The following MTRF1L variants were observed in gnomAD, a reference collection of about 807,000 sequenced individuals.
MTRF1L encodes peptide chain release factor 1-like, mitochondrial.
In MTRF1L, 29 loss-of-function variants were observed where a neutral mutation model predicts 40.0. The observed-to-expected ratio is 0.73, with a 90% CI of 0.54 to 0.99. The LOEUF is 0.99. Among genes scored for constraint, MTRF1L ranks in the 50% least tolerant of loss-of-function variants. The pLI, the probability that MTRF1L is intolerant of heterozygous loss-of-function variation, is 0.00. For synonymous variants in MTRF1L, 150 were observed against 175.8 expected, an observed-to-expected ratio of 0.85 and a Z score of 1.16; for missense variants, 412 against 464.5, an observed-to-expected ratio of 0.89 and a Z score of 1.04.
intron 2 of MTRF1L, among the ~76,000 whole-genome samples, 164 bp from the exon 3 acceptor site, chr6:152,995,483 T>C (rs1778686528): frequency 6.6e-6 from 1 of 152,208 alleles, no homozygotes; most frequent in Non-Finnish European, 1.5e-5. Context: ...AACTGTATAA[T>C]GTGTAACTTC....
At chr6:153,002,016 GTACCTT>G (rs1484095082) in intron 1 of MTRF1L, among the ~76,000 whole-genome samples, 2 of 152,158 alleles carry the variant, frequency 1.3e-5, no homozygotes, top group Non-Finnish European at 2.9e-5. Context: ...TCCCAATTTA[GTACCTT>G]TACCCACGTA....
chr6:153,000,152 T>C (rs983155903), intron 1 of MTRF1L, among the ~76,000 whole-genome samples: 1 of 152,226 alleles, frequency 6.6e-6, no homozygotes, highest in African/African-American at 2.4e-5. Flanking sequence ...CTTTCAGTTA[T>C]GACAAGAATG....
intron 3 of MTRF1L, 31 bp downstream of exon 3, chr6:152,995,103 CTT>C: frequency 6.4e-7 from 1 of 1,556,266 alleles, no homozygotes; most frequent in South Asian, 1.2e-5. Flanking sequence ...TTCCTAAACA[CTT>C]TACCTGAAAC....
Position 152,989,774 on chromosome 6 carries a change from T to C in MTRF1L, c.*121A>G. 1.8e-6 allele frequency: 2 copies of C among 1,124,654 alleles called. No homozygotes were observed. The highest frequency in any genetic ancestry group is 2.4e-6 in the Non-Finnish European group (2 of 818,558). 69.7% of individuals were successfully genotyped at this position (1,124,654 alleles called of 1,614,324 possible). A position where few individuals can be genotyped will look rare whatever the true frequency, so the allele number is the denominator to read the frequency against. On this transcript the variant is annotated 3_prime_UTR_variant, in exon 7 of 7. Coordinates refer to ENST00000367233, the MANE Select transcript of MTRF1L (RefSeq NM_019041.7). ...GTAAATTATCTATGACTTCAGAATA[T>C]GCATATTACCTCCAACTGTGTTAAC...
chr6:152,992,960 A>G lies in MTRF1L; in HGVS notation c.702T>C (p.Ile234=). Residue 234 remains isoleucine (I), a synonymous_variant, in exon 5 of 7, where the codon ATT becomes ATC. Coordinates refer to ENST00000367233, the MANE Select transcript of MTRF1L (RefSeq NM_019041.7). ...LPQPTEINLV[I]NPKDLRIDTK... Reference sequence around the variant, plus strand: ...TGTCAATTCTCAAATCTTTCGGATTAATCACCAGATTAATCTATACAGAAG... The same window carrying G: ...TGTCAATTCTCAAATCTTTCGGATTGATCACCAGATTAATCTATACAGAAG... The G allele has an allele frequency of 1.2e-6, 2 of 1,613,450 alleles. No homozygotes were observed. The highest frequency in any genetic ancestry group is 1.7e-6 in the Non-Finnish European group (2 of 1,179,854).
chr6:153,001,940 T>G (rs931200080), intron 1 of MTRF1L, among the ~76,000 whole-genome samples: 1 of 152,250 alleles, frequency 6.6e-6, no homozygotes, highest in African/African-American at 2.4e-5. Context: ...TTCTTAACTA[T>G]TTTTCTGGCT....
chr6:152,989,851 T>C lies in MTRF1L; in HGVS notation c.*44A>G, dbSNP rs1778439155. 6.5e-7 allele frequency: 1 copy of C among 1,545,480 alleles called. No homozygotes were observed. Among genetic ancestry groups the C allele is most frequent in the Non-Finnish European group, 8.7e-7 (1 of 1,152,374 alleles). On this transcript the variant is annotated 3_prime_UTR_variant, in exon 7 of 7. Coordinates refer to ENST00000367233, the MANE Select transcript of MTRF1L (RefSeq NM_019041.7). ...ACTTTCACCCTATGTGGATGTACTG[T>C]AGAATTTTTCTAAGCTACGAAAGTC...
chr6:152,990,652 G>GTT, intron 6 of MTRF1L: 1 of 152,842 alleles, frequency 6.5e-6, no homozygotes, highest in Non-Finnish European at 1.5e-5. Flanking sequence ...GCAAAACCCC[G>GTT]TCTCTACTAA....
In MTRF1L at chr6:153,000,631, A is replaced by G. The variant is rs185515986; in HGVS notation, c.259+1796T>C. 1.3e-3 allele frequency among the ~76,000 whole-genome samples: 204 copies of G among 152,260 alleles called. 2 individuals carry two copies. Among genetic ancestry groups the G allele is most frequent in the Admixed American group, 0.013 (201 of 15,290 alleles). On this transcript the variant is annotated intron_variant, in intron 1 of 6. Transcript: ENST00000367233. Reference sequence around the variant, plus strand: ...TGGGTCCTTTTCTTTTCAACCCTTTAAGTAGCTGCTTATTGTCACCCCTCT... The same window carrying G: ...TGGGTCCTTTTCTTTTCAACCCTTTGAGTAGCTGCTTATTGTCACCCCTCT...
chr6:152,998,578 TG>T lies in MTRF1L; in HGVS notation c.310del (p.Gln104LysfsTer4), dbSNP rs767489130. ...KLAENEITLC[Q>X]KEITQLKHQI... Reference sequence around the variant, plus strand: ...ATGCTTCAGCTGAGTTATTTCTTTTTGACACAAAGTGATTTCATTCTCTGCA... The same window carrying T: ...ATGCTTCAGCTGAGTTATTTCTTTTTACACAAAGTGATTTCATTCTCTGCA... On this transcript the variant is annotated frameshift_variant, in exon 2 of 7. Transcript: ENST00000367233. LOFTEE classifies it high-confidence loss of function. 2 of 1,598,104 alleles carry T rather than the reference TG, an allele frequency of 1.3e-6. No homozygotes were observed. Among genetic ancestry groups the T allele is most frequent in the Non-Finnish European group, 1.7e-6 (2 of 1,174,274 alleles).
At chr6:152,990,194 G>A in intron 6 of MTRF1L, 99 bp from the exon 7 acceptor site, 2 of 1,460,716 alleles carry the variant, frequency 1.4e-6, no homozygotes, top group Non-Finnish European at 9.1e-7. Context: ...TTTATAACAT[G>A]AATCAAATGC....
At chr6:152,999,688 A>C (rs1053277420) in intron 1 of MTRF1L, among the ~76,000 whole-genome samples, 2 of 152,180 alleles carry the variant, frequency 1.3e-5, no homozygotes, top group African/African-American at 2.4e-5. Context: ...TTTATAAAGA[A>C]GAGTTCCCCT....
chr6:152,994,760 ATATTTT>A (rs1350453419), intron 3 of MTRF1L, 84 bp from the exon 4 acceptor site: 1 of 1,520,860 alleles, frequency 6.6e-7, no homozygotes, highest in South Asian at 1.1e-5. Context: ...ATCTTGAGGT[ATATTTT>A]TAAAGTCATA....
chr6:152,997,050 A>G (rs1241740067), intron 2 of MTRF1L, among the ~76,000 whole-genome samples: 1 of 152,190 alleles, frequency 6.6e-6, no homozygotes, highest in Non-Finnish European at 1.5e-5. Context: ...CAAACATTAA[A>G]TTGCTGGTGA....
intron 5 of MTRF1L, among the ~76,000 whole-genome samples, chr6:152,991,891 A>T (rs897864644): frequency 6.6e-6 from 1 of 152,214 alleles, no homozygotes; most frequent in African/African-American, 2.4e-5. Context: ...ATACTAAACA[A>T]TAAGCATAAA....
intron 1 of MTRF1L, 145 bp downstream of exon 1, chr6:153,002,282 G>A (rs1053487163): frequency 3.2e-6 from 4 of 1,231,128 alleles, no homozygotes; most frequent in South Asian, 1.3e-5. Flanking sequence ...ATCACAGCAC[G>A]TAATGATGTC....
At chr6:153,000,748 C>T (rs1234933265) in intron 1 of MTRF1L, among the ~76,000 whole-genome samples, 2 of 151,766 alleles carry the variant, frequency 1.3e-5, no homozygotes, top group Non-Finnish European at 2.9e-5. Context: ...ACACTGGATT[C>T]TATAATCATA....
Position 152,987,514 on chromosome 6 carries a change from T to C in MTRF1L, c.*2381A>G, listed in dbSNP as rs1259219260. The C allele has an allele frequency of 6.6e-6, 1 of 152,186 alleles. No individual in the cohort carries two copies. The highest frequency in any genetic ancestry group is 1.5e-5 in the Non-Finnish European group (1 of 68,046). The allele number at this position is 152,186 out of a possible 1,614,324, so 9.4% of individuals were successfully genotyped here. On this transcript the variant is annotated 3_prime_UTR_variant, in exon 7 of 7. Coordinates refer to ENST00000367233, the MANE Select transcript of MTRF1L (RefSeq NM_019041.7). ...TTTGTAACCAGAATTAGACAGCAAA[T>C]CGGATGCAGGGGAGAAGTCAGGTGA... is the stretch of plus-strand genomic sequence containing the variant.
intron 5 of MTRF1L, 152 bp from the exon 6 acceptor site, chr6:152,991,473 A>C: frequency 1.1e-6 from 1 of 886,382 alleles, no homozygotes; most frequent in Non-Finnish European, 1.6e-6. Flanking sequence ...CTATAAGCTT[A>C]ACTTTTGCAG....
Sources: gnomAD v4.1 joint callset for allele counts (sites outside exome capture counted in the v4.1 genomes callset) on GRCh38, gnomAD v4.1.1 for gene constraint, MANE v1.5 for transcripts, NCBI Gene and HGNC (gene_info 2026-07-23, HGNC 2026-07-21) for gene names.